Variants in WDPCP observed in about 807,000 individuals in gnomAD.
WDPCP encodes WD repeat containing planar cell polarity effector.
In WDPCP, 71 loss-of-function variants were observed where a neutral mutation model predicts 93.1. The ratio of observed to expected loss-of-function variants is 0.76; its 90% CI spans 0.63 to 0.93. The LOEUF (loss-of-function observed/expected upper bound fraction) is 0.93, where lower values mean the gene tolerates loss of function less well. Ranked by LOEUF, WDPCP falls within the 40% of genes least tolerant of loss-of-function variation. The pLI is 0.00. For synonymous variants in WDPCP, 315 were observed against 315.0 expected, an observed-to-expected ratio of 1.00 and a Z score of 0.00; for missense variants, 844 against 887.4, an observed-to-expected ratio of 0.95 and a Z score of 0.62.
At chr2:63,532,621 T>C (rs1324660765) in intron 1 of WDPCP, among the ~76,000 whole-genome samples, 2 of 152,098 alleles carry the variant, frequency 1.3e-5, no homozygotes, top group African/African-American at 4.8e-5. Context: ...GCTTCATAAG[T>C]GAAGGAGAAA....
At position 63,571,202 on chromosome 2, in the gene WDPCP, C is replaced by T. The variant is rs144946268; in HGVS notation, c.75+16995G>A. ...CTGGGATTACAGGCATAAGCCACCG[C>T]GCCTGGTCAGGGTAAATTATTTAAC... On this transcript the variant is annotated intron_variant, in intron 1 of 17. Transcript: ENST00000272321. 6.6e-5 allele frequency among the ~76,000 whole-genome samples: 10 copies of T among 152,178 alleles called. No individual in the cohort carries two copies. In the East Asian group the frequency reaches 1.4e-3, roughly 21 times the overall value.
chr2:63,295,167 A>G (rs1047756404), intron 13 of WDPCP, among the ~76,000 whole-genome samples: 3 of 152,158 alleles, frequency 2.0e-5, no homozygotes, highest in Non-Finnish European at 4.4e-5. Context: ...CACAAATGAA[A>G]GAGAGAGAAA....
intron 17 of WDPCP, among the ~76,000 whole-genome samples, chr2:63,152,032 G>A (rs1197429982): frequency 2.0e-5 from 3 of 152,148 alleles, no homozygotes; most frequent in African/African-American, 4.8e-5. Context: ...GAGATGCGAT[G>A]TCAGAGACAG....
intron 10 of WDPCP, among the ~76,000 whole-genome samples, chr2:63,384,102 T>G (rs1692537980): frequency 6.6e-6 from 1 of 152,068 alleles, no homozygotes; most frequent in African/African-American, 2.4e-5. Flanking sequence ...GAAAAAAATG[T>G]CACAAAGTAT....
intron 6 of WDPCP, among the ~76,000 whole-genome samples, chr2:63,456,856 AC>A (rs1330033045): frequency 6.6e-6 from 1 of 152,126 alleles, no homozygotes; most frequent in Non-Finnish European, 1.5e-5. Flanking sequence ...TACTACAAAT[AC>A]AAAAACTTGC....
At chr2:63,802,281 TAAAAAAAAAAAAAAAAAAA>T (rs58717654) in intron 2 of WDPCP, among the ~76,000 whole-genome samples, 115 of 54,408 alleles carry the variant, frequency 2.1e-3, no homozygotes, top group African/African-American at 5.8e-3. Context: ...CCCTCTCTCT[TAAAAAAAAAAAAAAAAAAA>T]AAAAAAAAAA....
chr2:63,589,331 C>A (rs1213444686), upstream of WDPCP: 1 of 1,550,604 alleles, frequency 6.4e-7, no homozygotes, highest in Non-Finnish European at 8.7e-7. Context: ...GGACAAAATG[C>A]GACGCTGCAG....
chr2:63,447,779 G>A (rs559887087), intron 6 of WDPCP, among the ~76,000 whole-genome samples: 11 of 151,948 alleles, frequency 7.2e-5, no homozygotes, highest in East Asian at 1.9e-4. Flanking sequence ...ATATTGTTAC[G>A]TAAAGAAAGT....
intron 15 of WDPCP, among the ~76,000 whole-genome samples, chr2:63,162,876 C>T (rs774549486): frequency 5.9e-5 from 9 of 152,042 alleles, no homozygotes; most frequent in African/African-American, 9.7e-5. Flanking sequence ...GAAATTATAC[C>T]TCATTTGACT....
intron 2 of WDPCP, among the ~76,000 whole-genome samples, chr2:63,736,302 ACTC>A (rs1476980243): frequency 6.3e-4 from 96 of 152,286 alleles, no homozygotes; most frequent in African/African-American, 2.2e-3. Flanking sequence ...AAAAAATATG[ACTC>A]CATCAGAAAA....
intron 14 of WDPCP, among the ~76,000 whole-genome samples, chr2:63,175,780 C>A (rs1673758480): frequency 6.6e-6 from 1 of 152,164 alleles, no homozygotes. Context: ...CTTTTTAAGA[C>A]TGAATAGTAA....
chr2:63,822,373 G>T (rs1484511036), intron 1 of WDPCP, among the ~76,000 whole-genome samples: 1 of 151,948 alleles, frequency 6.6e-6, no homozygotes, highest in African/African-American at 2.4e-5. Context: ...TATTTATTAT[G>T]ACATAATTAA....
chr2:63,619,159 A>G (rs191675132), intron 3 of WDPCP, among the ~76,000 whole-genome samples: 43 of 152,302 alleles, frequency 2.8e-4, no homozygotes, highest in Admixed American at 7.2e-4. Context: ...CCCTTCCTCC[A>G]ATCCATGTTA....
At chr2:63,280,219 G>T (rs1348262928) in intron 13 of WDPCP, among the ~76,000 whole-genome samples, 1 of 152,150 alleles carries the variant, frequency 6.6e-6, no homozygotes, top group East Asian at 1.9e-4. Flanking sequence ...AGTTTAATTG[G>T]ACTTACAGCT....
intron 1 of WDPCP, among the ~76,000 whole-genome samples, chr2:63,520,029 A>G (rs993892422): frequency 5.9e-5 from 9 of 152,228 alleles, no homozygotes; most frequent in Non-Finnish European, 1.2e-4. Flanking sequence ...TGGCCATTGT[A>G]AGAAAGACCA....
Position 63,128,395 on chromosome 2 carries a change from A to T in WDPCP, c.2191-6339T>A, listed in dbSNP as rs999071253. On this transcript the variant is annotated intron_variant, in intron 17 of 17. Transcript: ENST00000272321. Reference sequence around the variant, plus strand: ...CCTTCCGTTTCTGTCTTTACCACAAATTTTTTCCAGAATGTTCCCAAGAGG... The same window carrying T: ...CCTTCCGTTTCTGTCTTTACCACAATTTTTTTCCAGAATGTTCCCAAGAGG... 2.6e-5 allele frequency among the ~76,000 whole-genome samples: 4 copies of T among 151,856 alleles called. No individual in the cohort carries two copies. The South Asian group carries it at 8.3e-4, about 32-fold the overall frequency.
intron 3 of WDPCP, among the ~76,000 whole-genome samples, chr2:63,629,063 A>G (rs1202428361): frequency 6.6e-6 from 1 of 152,210 alleles, no homozygotes; most frequent in South Asian, 2.1e-4. Flanking sequence ...AAGGAGTAAC[A>G]TGGTGGTGAG....
rs201171587 is a variant in WDPCP, at chr2:63,216,275, C to T, written c.1916-41443G>A. ...ATGCACACGTATGTTTATTGCAACACTATTCACAATAGCAAAGACTTGGAA... is the reference window on the plus strand; with the variant it reads ...ATGCACACGTATGTTTATTGCAACATTATTCACAATAGCAAAGACTTGGAA... On this transcript the variant is annotated intron_variant, in intron 14 of 17. Transcript: ENST00000272321. Among the ~76,000 whole-genome samples the T allele has an allele frequency of 1.7e-3, 254 of 152,282 alleles. 8 individuals are homozygous for T. The East Asian group carries it at 0.046, about 27-fold the overall frequency.
chr2:63,398,560 G>C (rs1693919517), intron 10 of WDPCP, among the ~76,000 whole-genome samples: 1 of 152,046 alleles, frequency 6.6e-6, no homozygotes, highest in South Asian at 2.1e-4. Flanking sequence ...TCTAGCCTTG[G>C]AGCAATGTTC....
Sources: allele counts gnomAD v4.1 joint callset (sites outside exome capture counted in the v4.1 genomes callset), GRCh38; gene constraint gnomAD v4.1.1; transcripts MANE v1.5; gene names NCBI Gene and HGNC (gene_info 2026-07-23, HGNC 2026-07-21).